The following TTC28 variants were observed in gnomAD, a reference collection of about 807,000 sequenced individuals.
TTC28 encodes the protein tetratricopeptide repeat domain 28, also known as tetratricopeptide repeat protein 28.
TTC28 carries 61 observed loss-of-function variants against 198.0 expected under a neutral mutation model. The ratio of observed to expected loss-of-function variants is 0.31; its 90% CI spans 0.25 to 0.38. The LOEUF is 0.38. TTC28 is among the 10% of genes least tolerant of loss of function. The pLI is 1.00. For synonymous variants in TTC28, 1,171 were observed against 1,297.8 expected (o/e 0.90, Z 2.10); for missense variants, 2,678 against 3,164.0 (o/e 0.85, Z 3.69).
At chr22:28,197,468 AC>A (rs1472779248) in intron 5 of TTC28, among the ~76,000 whole-genome samples, 6 of 152,098 alleles carry the variant, frequency 3.9e-5, no homozygotes, top group Non-Finnish European at 8.8e-5. Context: ...TTCTTCAAAA[AC>A]CAGATGGACA....
At chr22:28,262,872 G>A (rs1931421301) in intron 5 of TTC28, among the ~76,000 whole-genome samples, 1 of 152,106 alleles carries the variant, frequency 6.6e-6, no homozygotes, top group African/African-American at 2.4e-5. Flanking sequence ...ACCTTTATGA[G>A]ACTACCAGAG....
intron 14 of TTC28, chr22:28,002,814 CA>C (rs1937764631): frequency 1.3e-5 from 2 of 152,130 alleles, no homozygotes; most frequent in Admixed American, 1.3e-4. Flanking sequence ...GGTGAAACTG[CA>C]TCTCTACTAA....
rs1327144759 is a variant in TTC28, at chr22:28,518,345, G to A, written c.381+111207C>T. Among the ~76,000 whole-genome samples the A allele has an allele frequency of 3.9e-5, 6 of 152,166 alleles. No homozygotes were observed. The East Asian group carries it at 1.2e-3, about 29-fold the overall frequency. ...AATGAGTATACAAAGGCCAGGCATGGTGGCTCGCATCTGTAATCCCAGCGC... is the reference window on the plus strand; with the variant it reads ...AATGAGTATACAAAGGCCAGGCATGATGGCTCGCATCTGTAATCCCAGCGC... On this transcript the variant is annotated intron_variant, in intron 2 of 22. Transcript: ENST00000397906.
At chr22:28,236,443 C>A (rs1288396101) in intron 5 of TTC28, among the ~76,000 whole-genome samples, 1 of 152,088 alleles carries the variant, frequency 6.6e-6, no homozygotes, top group African/African-American at 2.4e-5. Context: ...GGAATTGGTT[C>A]TTTGATCTGC....
intron 2 of TTC28, among the ~76,000 whole-genome samples, chr22:28,534,008 T>C (rs999137691): frequency 6.6e-6 from 1 of 152,126 alleles, no homozygotes; most frequent in Non-Finnish European, 1.5e-5. Context: ...GGGCAAGGAC[T>C]TCATGACTAA....
At chr22:28,093,175 T>C (rs1233129565) in intron 12 of TTC28, among the ~76,000 whole-genome samples, 1 of 152,216 alleles carries the variant, frequency 6.6e-6, no homozygotes, top group Non-Finnish European at 1.5e-5. Flanking sequence ...ACCTAAGAAC[T>C]CTTTCTTCCC....
chr22:28,227,809 A>T (rs1928469769), intron 5 of TTC28, among the ~76,000 whole-genome samples: 1 of 152,166 alleles, frequency 6.6e-6, no homozygotes, highest in South Asian at 2.1e-4. Flanking sequence ...ACAGTACGGC[A>T]GTTCCTCAAA....
At chr22:28,101,811 A>AAAAAAAG (rs1942164074) in intron 8 of TTC28, among the ~76,000 whole-genome samples, 1 of 113,270 alleles carries the variant, frequency 8.8e-6, no homozygotes, top group African/African-American at 3.4e-5. Flanking sequence ...AAAAAAAAAA[A>AAAAAAAG]AGAATACTAA....
intron 12 of TTC28, among the ~76,000 whole-genome samples, chr22:28,046,485 T>C (rs1047866982): frequency 2.0e-5 from 3 of 152,220 alleles, no homozygotes; most frequent in African/African-American, 7.2e-5. Flanking sequence ...TATAATATGG[T>C]AGTGTAATCT....
intron 2 of TTC28, among the ~76,000 whole-genome samples, chr22:28,458,289 CAG>C (rs1479000109): frequency 6.6e-6 from 1 of 152,012 alleles, no homozygotes; most frequent in Non-Finnish European, 1.5e-5. Context: ...TAAAATAAAA[CAG>C]ATAAAGTAAT....
At chr22:28,006,204 A>G (rs1373928892) in intron 14 of TTC28, among the ~76,000 whole-genome samples, 3 of 152,148 alleles carry the variant, frequency 2.0e-5, no homozygotes, top group Non-Finnish European at 4.4e-5. Flanking sequence ...GGTTGGGGGT[A>G]GGAGCTCTGC....
At chr22:28,445,585 C>A (rs948406650) in intron 2 of TTC28, among the ~76,000 whole-genome samples, 3 of 152,168 alleles carry the variant, frequency 2.0e-5, no homozygotes, top group Admixed American at 6.5e-5. Flanking sequence ...TTACCCTTTT[C>A]CTATTCCCTT....
At chr22:28,110,817 C>A (rs1219259036) in intron 6 of TTC28, among the ~76,000 whole-genome samples, 1 of 151,874 alleles carries the variant, frequency 6.6e-6, no homozygotes, top group Non-Finnish European at 1.5e-5. Context: ...AGCCTGTAGT[C>A]CCAGCTACTT....
At chr22:28,153,779 T>G (rs992990015) in intron 6 of TTC28, among the ~76,000 whole-genome samples, 7 of 152,206 alleles carry the variant, frequency 4.6e-5, no homozygotes, top group African/African-American at 1.7e-4. Flanking sequence ...ACTTTCTAGA[T>G]ATAAAATGTT....
rs950454422 is a variant in TTC28, at chr22:27,978,881, G to A, written c.*3340C>T. On this transcript the variant is annotated 3_prime_UTR_variant, in exon 23 of 23. Coordinates refer to ENST00000397906, the MANE Select transcript of TTC28 (RefSeq NM_001145418.2). ...GCTTATAGTCATTGTATTTACATCTGATGGAGTAGCAGAGGGTGGGGCATG... is the reference window on the plus strand; with the variant it reads ...GCTTATAGTCATTGTATTTACATCTAATGGAGTAGCAGAGGGTGGGGCATG... The A allele has an allele frequency of 1.3e-5, 2 of 152,244 alleles. No homozygotes were observed. The allele number at this position is 152,244 out of a possible 1,614,324, so 9.4% of individuals were successfully genotyped here.
chr22:28,323,565 TAGAG>T (rs1265167476), intron 2 of TTC28, among the ~76,000 whole-genome samples: 1 of 151,998 alleles, frequency 6.6e-6, no homozygotes, highest in Non-Finnish European at 1.5e-5. Context: ...TGTTAGAACA[TAGAG>T]AGACAAAAGA....
chr22:28,626,466 A>G (rs1301533962), intron 2 of TTC28, among the ~76,000 whole-genome samples: 1 of 152,130 alleles, frequency 6.6e-6, no homozygotes, highest in Non-Finnish European at 1.5e-5. Flanking sequence ...GCATTATAAT[A>G]AAAAGCCAGA....
Position 28,326,093 on chromosome 22 carries a change from A to G in TTC28, c.382-19450T>C, listed in dbSNP as rs574251854. ...CTAGAAACAATCCAAATGTCCTTCAATGGGTGAATGGATAGACATGCTGTG... is the reference window on the plus strand; with the variant it reads ...CTAGAAACAATCCAAATGTCCTTCAGTGGGTGAATGGATAGACATGCTGTG... On this transcript the variant is annotated intron_variant, in intron 2 of 22. Transcript: ENST00000397906. Among the ~76,000 whole-genome samples, 44 of 152,242 alleles carry G rather than the reference A, an allele frequency of 2.9e-4. No homozygotes were observed. In the South Asian group the frequency reaches 7.5e-3, roughly 26 times the overall value.
chr22:28,076,351 T>C (rs989647276), intron 12 of TTC28, among the ~76,000 whole-genome samples: 15 of 152,206 alleles, frequency 9.9e-5, no homozygotes, highest in Non-Finnish European at 1.9e-4. Context: ...TAGAAATAAT[T>C]TGAATCAGTC....
Sources: gnomAD v4.1 joint callset for allele counts (sites outside exome capture counted in the v4.1 genomes callset) on GRCh38, gnomAD v4.1.1 for gene constraint, MANE v1.5 for transcripts, NCBI Gene and HGNC (gene_info 2026-07-23, HGNC 2026-07-21) for gene names.